Variants in FILIP1L observed in about 807,000 individuals in gnomAD.
FILIP1L encodes the protein filamin A interacting protein 1 like, also known as filamin A-interacting protein 1-like.
FILIP1L carries 55 observed loss-of-function variants against 96.6 expected under a neutral mutation model. The ratio of observed to expected loss-of-function variants is 0.57; its 90% CI spans 0.46 to 0.71. FILIP1L has a LOEUF of 0.71. FILIP1L is among the 30% of genes least tolerant of loss of function. FILIP1L has a pLI of 0.00. For missense variants in FILIP1L, 1,304 were observed against 1,321.2 expected, an observed-to-expected ratio of 0.99 and a Z score of 0.20; for synonymous variants, 467 against 473.9, an observed-to-expected ratio of 0.99 and a Z score of 0.19.
At chr3:100,059,751 A>T (rs1355564921) in intron 1 of FILIP1L, among the ~76,000 whole-genome samples, 1 of 152,130 alleles carries the variant, frequency 6.6e-6, no homozygotes, top group Non-Finnish European at 1.5e-5. Context: ...CCGGCCTAGA[A>T]TTGTCAGAGC....
intron 4 of FILIP1L, among the ~76,000 whole-genome samples, chr3:99,895,365 C>G (rs1706215281): frequency 6.6e-6 from 1 of 150,658 alleles, no homozygotes; most frequent in African/African-American, 2.4e-5. Context: ...AGTGAGCTTT[C>G]AGTCAGCAGG....
chr3:99,940,596 A>G (rs956725585), intron 1 of FILIP1L, among the ~76,000 whole-genome samples: 1 of 152,142 alleles, frequency 6.6e-6, no homozygotes, highest in Non-Finnish European at 1.5e-5. Flanking sequence ...TGTTCTTTCC[A>G]TTGTATCACT....
chr3:99,885,677 C>G (rs1705870100), intron 4 of FILIP1L, among the ~76,000 whole-genome samples: 1 of 152,198 alleles, frequency 6.6e-6, no homozygotes, highest in South Asian at 2.1e-4. Flanking sequence ...CTATATATCT[C>G]TGTCATCTAT....
intron 5 of FILIP1L, among the ~76,000 whole-genome samples, chr3:99,839,211 T>TA (rs1943025101): frequency 6.6e-6 from 1 of 152,200 alleles, no homozygotes; most frequent in Non-Finnish European, 1.5e-5. Context: ...CTGTAGTACT[T>TA]ACTGTCTATA....
chr3:100,026,245 T>C (rs2064918726), intron 1 of FILIP1L, among the ~76,000 whole-genome samples: 1 of 152,124 alleles, frequency 6.6e-6, no homozygotes, highest in Admixed American at 6.6e-5. Context: ...CTTCGTTTAG[T>C]CAAAATTGTG....
At chr3:99,995,274 G>T (rs1025080873) in intron 1 of FILIP1L, among the ~76,000 whole-genome samples, 1 of 152,162 alleles carries the variant, frequency 6.6e-6, no homozygotes, top group Non-Finnish European at 1.5e-5. Flanking sequence ...AAATTCAGTG[G>T]GGCAGTCAAA....
At position 100,003,180 on chromosome 3, in the gene FILIP1L, T is replaced by C. The variant is rs545132456; in HGVS notation, c.-10-72150A>G. On this transcript the variant is annotated intron_variant, in intron 1 of 5. Coordinates refer to ENST00000477258, the MANE Select transcript of FILIP1L (RefSeq NM_001387850.1). ...TGCCAAATCTGATTAGAAGCACTTT[T>C]GTTGTAAGCCCATGTTTATGAAGCC... is the stretch of plus-strand genomic sequence containing the variant. Among the ~76,000 whole-genome samples the C allele has an allele frequency of 6.0e-4, 91 of 152,300 alleles. 3 individuals carry two copies. The South Asian group carries it at 0.017, about 29-fold the overall frequency.
chr3:100,054,803 C>A lies in FILIP1L; in HGVS notation c.-11+59250G>T, dbSNP rs562711609. ...AATGCCTCTGGATCCCGTAACCTTG[C>A]CCCCTCTCTCTCACCATCACTGGTG... On this transcript the variant is annotated intron_variant, in intron 1 of 5. Coordinates refer to ENST00000477258, the MANE Select transcript of FILIP1L (RefSeq NM_001387850.1). Among the ~76,000 whole-genome samples, 12 of 152,244 alleles carry A rather than the reference C, an allele frequency of 7.9e-5. No individual in the cohort carries two copies. In the South Asian group the frequency reaches 2.5e-3, roughly 32 times the overall value.
At chr3:99,992,271 A>G (rs947803601) in intron 1 of FILIP1L, among the ~76,000 whole-genome samples, 1 of 152,030 alleles carries the variant, frequency 6.6e-6, no homozygotes, top group African/African-American at 2.4e-5. Flanking sequence ...GGTTGTACTA[A>G]TTTACATTCC....
chr3:99,924,661 G>A (rs1357340274), intron 3 of FILIP1L, among the ~76,000 whole-genome samples: 6 of 152,164 alleles, frequency 3.9e-5, no homozygotes, highest in Admixed American at 2.0e-4. Context: ...TGGGATTACA[G>A]GCATGCGCCA....
Position 99,860,125 on chromosome 3 carries a change from G to A in FILIP1L, c.606-9055C>T, listed in dbSNP as rs141743129. Among the ~76,000 whole-genome samples the A allele has an allele frequency of 4.3e-3, 660 of 152,274 alleles. 7 individuals are homozygous for A. The highest frequency in any genetic ancestry group is 0.016 in the African/African-American group (646 of 41,538). ...CTGTCATCATCACTGAGATCCTTTA[G>A]AGATACCATAAATGGGTCCAGACCC... On this transcript the variant is annotated intron_variant, in intron 4 of 5. Transcript: ENST00000477258.
intron 4 of FILIP1L, among the ~76,000 whole-genome samples, chr3:99,903,345 G>A (rs527891374): frequency 5.3e-5 from 8 of 151,606 alleles, no homozygotes; most frequent in Admixed American, 1.3e-4. Context: ...TCCGCCTCCC[G>A]GGTTCAAGCA....
At chr3:99,885,723 A>G (rs972413835) in intron 4 of FILIP1L, among the ~76,000 whole-genome samples, 9 of 152,278 alleles carry the variant, frequency 5.9e-5, no homozygotes, top group Admixed American at 3.3e-4. Flanking sequence ...TGTGGAACAG[A>G]TATCTTTCTC....
At chr3:99,938,201 G>C (rs932503219) in intron 1 of FILIP1L, among the ~76,000 whole-genome samples, 6 of 152,178 alleles carry the variant, frequency 3.9e-5, no homozygotes, top group African/African-American at 1.4e-4. Flanking sequence ...TAAATACCCT[G>C]ATCTGCTATC....
chr3:99,998,233 G>A (rs913357329), intron 1 of FILIP1L, among the ~76,000 whole-genome samples: 5 of 152,158 alleles, frequency 3.3e-5, no homozygotes, highest in African/African-American at 4.8e-5. Flanking sequence ...CTATAAATTA[G>A]TAGCTATTTG....
At chr3:99,867,880 G>GT (rs1484494741) in intron 4 of FILIP1L, among the ~76,000 whole-genome samples, 1 of 152,134 alleles carries the variant, frequency 6.6e-6, no homozygotes, top group African/African-American at 2.4e-5. Flanking sequence ...TTCACAAGTT[G>GT]TAAGTATGCT....
intron 5 of FILIP1L, among the ~76,000 whole-genome samples, chr3:99,841,519 C>T (rs1943130977): frequency 6.6e-6 from 1 of 152,174 alleles, no homozygotes; most frequent in South Asian, 2.1e-4. Context: ...GTAACCTCAC[C>T]TCCACCTATC....
chr3:100,090,915 G>A (rs1057095335), intron 1 of FILIP1L, among the ~76,000 whole-genome samples: 1 of 152,190 alleles, frequency 6.6e-6, no homozygotes, highest in African/African-American at 2.4e-5. Context: ...AATGAGTGCA[G>A]AGGTTAAACA....
intron 4 of FILIP1L, among the ~76,000 whole-genome samples, chr3:99,893,380 TG>T (rs1706152372): frequency 2.0e-5 from 3 of 152,250 alleles, no homozygotes; most frequent in East Asian, 3.9e-4. Context: ...TTAGCCAGAA[TG>T]GTCTCGATCT....
Sources: allele counts gnomAD v4.1 joint callset (sites outside exome capture counted in the v4.1 genomes callset), GRCh38; gene constraint gnomAD v4.1.1; transcripts MANE v1.5; gene names NCBI Gene and HGNC (gene_info 2026-07-23, HGNC 2026-07-21).